The following TMEFF2 variants were observed in gnomAD, a reference collection of about 807,000 sequenced individuals.
TMEFF2 encodes tomoregulin-2.
TMEFF2 carries 28 observed loss-of-function variants against 53.8 expected under a neutral mutation model. That is an observed-to-expected ratio of 0.52 (90% CI 0.39 to 0.71). TMEFF2 has a LOEUF of 0.71. Ranked by LOEUF, TMEFF2 falls within the 30% of genes least tolerant of loss-of-function variation. TMEFF2 has a pLI of 0.00. For missense variants in TMEFF2, 353 were observed against 455.2 expected (o/e 0.78, Z 2.04); for synonymous variants, 162 against 166.3 (o/e 0.97, Z 0.20).
chr2:192,028,155 C>G (rs1687020123), intron 5 of TMEFF2, among the ~76,000 whole-genome samples: 1 of 151,468 alleles, frequency 6.6e-6, no homozygotes, highest in Admixed American at 6.6e-5. Flanking sequence ...TGCACAAGCT[C>G]TCTTTTTGCC....
intron 5 of TMEFF2, among the ~76,000 whole-genome samples, chr2:192,002,153 C>G (rs1411284867): frequency 6.6e-6 from 1 of 152,148 alleles, no homozygotes; most frequent in Non-Finnish European, 1.5e-5. Context: ...TTTGTTTCCT[C>G]TCAAAATTCC....
At chr2:192,142,337 T>G (rs1690157317) in intron 4 of TMEFF2, among the ~76,000 whole-genome samples, 1 of 152,160 alleles carries the variant, frequency 6.6e-6, no homozygotes, top group Non-Finnish European at 1.5e-5. Flanking sequence ...TTTGAAGATC[T>G]GGCATATTTT....
At chr2:192,035,930 G>A (rs1394686846) in intron 5 of TMEFF2, among the ~76,000 whole-genome samples, 1 of 152,010 alleles carries the variant, frequency 6.6e-6, no homozygotes, top group East Asian at 1.9e-4. Context: ...CTTCGTTTCT[G>A]TTTGACTTCT....
intron 4 of TMEFF2, among the ~76,000 whole-genome samples, chr2:192,075,302 T>TAAATATATATATATATATAAATATATAA (rs1258473625): frequency 3.2e-4 from 12 of 38,090 alleles, no homozygotes; most frequent in African/African-American, 9.5e-4. Context: ...TATATATATA[T>TAAATATATATATATATATAAATATATAA]ATATATATAT....
chr2:192,075,330 T>TATATATATATAC (rs1559115271), intron 4 of TMEFF2, among the ~76,000 whole-genome samples: 7 of 100,980 alleles, frequency 6.9e-5, no homozygotes, highest in Non-Finnish European at 1.4e-4. Flanking sequence ...TATATATATA[T>TATATATATATAC]ATACATACAT....
At position 191,950,290 on chromosome 2, in the gene TMEFF2, C is replaced by G; in HGVS notation, c.*21G>C. ...GTAGTCCAAGCTCTCGGTAGTCCAG[C>G]CACTGTGAAACATGCTCCCTTTAGA... is the stretch of plus-strand genomic sequence containing the variant. On this transcript the variant is annotated 3_prime_UTR_variant, in exon 10 of 10. Transcript: ENST00000272771. The G allele has an allele frequency of 1.2e-6, 2 of 1,611,438 alleles. No homozygotes were observed. Among genetic ancestry groups the G allele is most frequent in the Non-Finnish European group, 1.7e-6 (2 of 1,178,638 alleles).
intron 7 of TMEFF2, among the ~76,000 whole-genome samples, chr2:191,990,999 T>C (rs1686091940): frequency 6.6e-6 from 1 of 152,108 alleles, no homozygotes; most frequent in Admixed American, 6.6e-5. Flanking sequence ...TCATAAGCTA[T>C]GTCTTCCTAC....
chr2:191,987,412 C>CTT (rs5837271), intron 7 of TMEFF2, among the ~76,000 whole-genome samples: 1 of 147,896 alleles, frequency 6.8e-6, no homozygotes, highest in Non-Finnish European at 1.5e-5. Context: ...TTTCTTTTTA[C>CTT]TTTTTTTTTT....
At chr2:191,998,216 C>T in intron 7 of TMEFF2, 46 bp downstream of exon 7, 1 of 1,457,038 alleles carries the variant, frequency 6.9e-7, no homozygotes, top group African/African-American at 1.4e-5. Flanking sequence ...CCAGGACTCT[C>T]TTTTAATAGA....
At chr2:192,193,765 G>GAT (rs1691526929) in intron 1 of TMEFF2, among the ~76,000 whole-genome samples, 1 of 26,150 alleles carries the variant, frequency 3.8e-5, no homozygotes, top group African/African-American at 1.3e-4. Context: ...GATAGATAGA[G>GAT]AGAGAGAGAG....
chr2:192,003,797 A>G (rs1686425632), intron 5 of TMEFF2, among the ~76,000 whole-genome samples: 1 of 152,174 alleles, frequency 6.6e-6, no homozygotes, highest in Admixed American at 6.5e-5. Flanking sequence ...ACAAAATTAG[A>G]GAGTTTTAGC....
intron 4 of TMEFF2, among the ~76,000 whole-genome samples, chr2:192,087,127 C>T (rs574122128): frequency 6.6e-6 from 1 of 151,454 alleles, no homozygotes; most frequent in East Asian, 1.9e-4. Flanking sequence ...GGAAGGAGCT[C>T]CAGGAAAAAA....
At chr2:192,017,103 A>G (rs1270019602) in intron 5 of TMEFF2, among the ~76,000 whole-genome samples, 1 of 152,200 alleles carries the variant, frequency 6.6e-6, no homozygotes, top group Non-Finnish European at 1.5e-5. Flanking sequence ...TATAGAGGAA[A>G]GAGTTTATGC....
chr2:192,084,672 G>T (rs1688629272), intron 4 of TMEFF2, among the ~76,000 whole-genome samples: 1 of 152,068 alleles, frequency 6.6e-6, no homozygotes, highest in South Asian at 2.1e-4. Flanking sequence ...ACATATAAGT[G>T]GTTGCTCTAA....
intron 5 of TMEFF2, chr2:192,038,070 A>G (rs1482477894): frequency 6.6e-6 from 1 of 152,204 alleles, no homozygotes; most frequent in Admixed American, 6.5e-5. Flanking sequence ...ATGACTTCAT[A>G]TATGTTCATT....
chr2:192,092,552 G>A (rs1189443607), intron 4 of TMEFF2, among the ~76,000 whole-genome samples: 1 of 152,092 alleles, frequency 6.6e-6, no homozygotes, highest in Non-Finnish European at 1.5e-5. Flanking sequence ...GCTATAGTAG[G>A]CAGAATAATG....
At chr2:191,951,877 A>G (rs934163154) in intron 9 of TMEFF2, among the ~76,000 whole-genome samples, 1 of 151,956 alleles carries the variant, frequency 6.6e-6, no homozygotes, top group African/African-American at 2.4e-5. Context: ...GTTTTATTTT[A>G]TTATAACATG....
At chr2:191,996,335 T>C (rs1302430469) in intron 7 of TMEFF2, among the ~76,000 whole-genome samples, 2 of 151,870 alleles carry the variant, frequency 1.3e-5, no homozygotes, top group East Asian at 1.9e-4. Context: ...AGACGGATGG[T>C]TCACTAAAGA....
chr2:192,186,535 C>T (rs1225336980), intron 2 of TMEFF2, among the ~76,000 whole-genome samples: 5 of 152,018 alleles, frequency 3.3e-5, no homozygotes, highest in East Asian at 1.9e-4. Context: ...TGTCTGAGCA[C>T]GTGGAGGAGA....
Sources: allele counts gnomAD v4.1 joint callset (sites outside exome capture counted in the v4.1 genomes callset), GRCh38; gene constraint gnomAD v4.1.1; transcripts MANE v1.5; gene names NCBI Gene and HGNC (gene_info 2026-07-23, HGNC 2026-07-21).